NRXN3: variants seen among roughly 807,000 people sequenced by gnomAD.
NRXN3 encodes neurexin 3.
Under a neutral mutation model 137.6 loss-of-function variants are expected in NRXN3, and 32 were observed. That is an observed-to-expected ratio of 0.23 (90% CI 0.18 to 0.31). NRXN3 has a LOEUF of 0.31. Ranked by LOEUF, NRXN3 falls within the 10% of genes least tolerant of loss-of-function variation. The pLI, the probability that NRXN3 is intolerant of heterozygous loss-of-function variation, is 1.00. For synonymous variants in NRXN3, 798 were observed against 784.5 expected (o/e 1.02, Z -0.29); for missense variants, 1,574 against 2,062.5 (o/e 0.76, Z 4.59).
chr14:79,862,032 G>T lies in NRXN3; in HGVS notation c.*68G>T. The T allele has an allele frequency of 1.5e-6, 2 of 1,293,282 alleles. No homozygotes were observed. Among genetic ancestry groups the T allele is most frequent in the Non-Finnish European group, 1.1e-6 (1 of 933,590 alleles). The allele number at this position is 1,293,282 out of a possible 1,614,324, so 80.1% of individuals were successfully genotyped here. ...TATCCACGCCTATGAATCTTTGGAC[G>T]GTGAGATCTCACAGATGTCAGAACT... is the stretch of plus-strand genomic sequence containing the variant. On this transcript the variant is annotated 3_prime_UTR_variant, in exon 21 of 21. Coordinates refer to ENST00000335750, the MANE Select transcript of NRXN3 (RefSeq NM_001330195.2).
chr14:78,561,597 C>A (rs968145156), intron 4 of NRXN3, among the ~76,000 whole-genome samples: 1 of 152,178 alleles, frequency 6.6e-6, no homozygotes, highest in South Asian at 2.1e-4. Flanking sequence ...CTTGCCCACA[C>A]ATCTCCTTCA....
At chr14:79,271,746 C>T (rs894167664) in intron 15 of NRXN3, among the ~76,000 whole-genome samples, 1 of 152,042 alleles carries the variant, frequency 6.6e-6, no homozygotes, top group African/African-American at 2.4e-5. Context: ...TAGGAAGCCC[C>T]GTGTGGATGA....
chr14:78,271,849 A>C (rs1407918260), intron 2 of NRXN3, among the ~76,000 whole-genome samples: 1 of 152,174 alleles, frequency 6.6e-6, no homozygotes, highest in Admixed American at 6.5e-5. Flanking sequence ...GATAAAGCTA[A>C]CACCACCCGG....
chr14:79,686,020 G>A (rs2098693333), intron 17 of NRXN3, among the ~76,000 whole-genome samples: 1 of 152,088 alleles, frequency 6.6e-6, no homozygotes, highest in African/African-American at 2.4e-5. Flanking sequence ...TAGGCCAGGT[G>A]TGGTGGCTCT....
At chr14:79,595,626 A>C (rs1018811149) in intron 16 of NRXN3, among the ~76,000 whole-genome samples, 1 of 152,210 alleles carries the variant, frequency 6.6e-6, no homozygotes, top group Admixed American at 6.5e-5. Flanking sequence ...TTTAGCATTG[A>C]GTTTCAGTGT....
chr14:78,500,357 G>A (rs1424546161), intron 4 of NRXN3, among the ~76,000 whole-genome samples: 3 of 152,132 alleles, frequency 2.0e-5, no homozygotes, highest in Non-Finnish European at 1.5e-5. Context: ...GTGGGCAGTA[G>A]CCTCTAATAA....
chr14:78,495,837 A>G lies in NRXN3; in HGVS notation c.758-149283A>G, dbSNP rs116973131. Among the ~76,000 whole-genome samples the G allele has an allele frequency of 4.7e-3, 709 of 152,326 alleles. 5 individuals are homozygous for G. The highest frequency in any genetic ancestry group is 0.031 in the South Asian group (152 of 4,830). Reference sequence around the variant, plus strand: ...GTTGGCCCTTGTTGCTGCCCCCATCAGTCTGAACAGACTCTTTTCCCAAAG... The same window carrying G: ...GTTGGCCCTTGTTGCTGCCCCCATCGGTCTGAACAGACTCTTTTCCCAAAG... On this transcript the variant is annotated intron_variant, in intron 4 of 20. Coordinates refer to ENST00000335750, the MANE Select transcript of NRXN3 (RefSeq NM_001330195.2).
intron 15 of NRXN3, among the ~76,000 whole-genome samples, chr14:79,381,131 A>G (rs1305499931): frequency 6.6e-6 from 1 of 151,966 alleles, no homozygotes; most frequent in Non-Finnish European, 1.5e-5. Flanking sequence ...CAAGAAAAAA[A>G]TGTTTCTTAA....
intron 4 of NRXN3, among the ~76,000 whole-genome samples, chr14:78,530,767 C>T (rs1314765316): frequency 2.6e-5 from 4 of 152,200 alleles, no homozygotes; most frequent in African/African-American, 9.6e-5. Context: ...TGAATCCTTC[C>T]CAAACTTTCA....
intron 4 of NRXN3, among the ~76,000 whole-genome samples, chr14:78,537,497 T>G (rs1297103118): frequency 4.6e-5 from 7 of 152,372 alleles, no homozygotes; most frequent in Non-Finnish European, 4.4e-5. Context: ...TCTTTGTAGA[T>G]TCTGGATATT....
chr14:78,904,847 T>A (rs1284129563), intron 10 of NRXN3, among the ~76,000 whole-genome samples: 1 of 152,116 alleles, frequency 6.6e-6, no homozygotes, highest in East Asian at 1.9e-4. Context: ...GACCTTTCCC[T>A]ACACGGCTTT....
At chr14:79,284,162 T>C (rs993238302) in intron 15 of NRXN3, among the ~76,000 whole-genome samples, 1 of 150,510 alleles carries the variant, frequency 6.6e-6, no homozygotes, top group Non-Finnish European at 1.5e-5. Flanking sequence ...ATTTTTTCCT[T>C]CTTTTTTTCC....
At chr14:79,808,240 TAA>T (rs35474581) in intron 20 of NRXN3, among the ~76,000 whole-genome samples, 3,039 of 123,918 alleles carry the variant, frequency 0.025, 70 homozygotes, top group African/African-American at 0.067. Context: ...CTCTCTCAAT[TAA>T]AAAAAAAAAA....
chr14:79,792,674 C>T (rs1428779174), intron 19 of NRXN3, among the ~76,000 whole-genome samples: 1 of 152,192 alleles, frequency 6.6e-6, no homozygotes, highest in Non-Finnish European at 1.5e-5. Flanking sequence ...GCCACTGACT[C>T]AGCAGAGTTT....
intron 16 of NRXN3, among the ~76,000 whole-genome samples, chr14:79,600,249 T>A (rs2097908459): frequency 6.6e-6 from 1 of 152,198 alleles, no homozygotes; most frequent in Non-Finnish European, 1.5e-5. Context: ...TTCTTTCCTG[T>A]TTTTGTGAGC....
intron 15 of NRXN3, among the ~76,000 whole-genome samples, chr14:79,212,465 A>G (rs767984760): frequency 2.0e-5 from 3 of 152,196 alleles, no homozygotes; most frequent in Non-Finnish European, 4.4e-5. Flanking sequence ...TGAAGGTGTT[A>G]TGAAAACAGA....
chr14:79,350,730 G>A (rs907572698), intron 15 of NRXN3, among the ~76,000 whole-genome samples: 1 of 151,992 alleles, frequency 6.6e-6, no homozygotes, highest in Non-Finnish European at 1.5e-5. Flanking sequence ...TAAAATCGGG[G>A]CCATCTCTGA....
intron 20 of NRXN3, among the ~76,000 whole-genome samples, chr14:79,856,270 A>T (rs2099402304): frequency 6.6e-6 from 1 of 152,090 alleles, no homozygotes; most frequent in Admixed American, 6.6e-5. Flanking sequence ...TTTTTCCCGA[A>T]GGTTGATAGA....
At chr14:78,855,148 G>A (rs1241375710) in intron 10 of NRXN3, among the ~76,000 whole-genome samples, 25 of 149,378 alleles carry the variant, frequency 1.7e-4, no homozygotes, top group Admixed American at 1.7e-3. Context: ...TGGGGACAGA[G>A]CGAGACTGCA....
Sources: gnomAD v4.1 joint callset for allele counts (sites outside exome capture counted in the v4.1 genomes callset) on GRCh38, gnomAD v4.1.1 for gene constraint, MANE v1.5 for transcripts, NCBI Gene and HGNC (gene_info 2026-07-23, HGNC 2026-07-21) for gene names.